The following ZNG1A variants were observed in gnomAD, a reference collection of about 807,000 sequenced individuals.
The protein encoded by ZNG1A is zinc-regulated GTPase metalloprotein activator 1A.
At chr9:142,170 C>G in the ZNG1A span, among the ~76,000 whole-genome samples, 1 of 148,702 alleles carries the variant, frequency 6.7e-6, no homozygotes, top group African/African-American at 2.5e-5. Flanking sequence ...AGGAATTGAA[C>G]TCAGCTCTGC....
At chr9:154,823 G>C in the ZNG1A span, 1 of 1,414,864 alleles carries the variant, frequency 7.1e-7, no homozygotes, top group Non-Finnish European at 9.7e-7. Context: ...GAAATGTTAA[G>C]AAACTTTAAA....
At chr9:128,104 T>C in the ZNG1A span, among the ~76,000 whole-genome samples, 1 of 152,254 alleles carries the variant, frequency 6.6e-6, no homozygotes, top group Middle Eastern at 3.4e-3. Context: ...GCTGCTTTTG[T>C]TTCACAGCTC....
the ZNG1A span, among the ~76,000 whole-genome samples, chr9:160,614 A>G: frequency 1.3e-5 from 2 of 151,666 alleles, no homozygotes; most frequent in Non-Finnish European, 2.9e-5. Context: ...TTTGGCCTCC[A>G]TCATGCTGAT....
the ZNG1A span, chr9:173,376 T>G: frequency 6.2e-7 from 1 of 1,605,638 alleles, no homozygotes; most frequent in Non-Finnish European, 8.5e-7. Context: ...CCTAGAATAA[T>G]TAACAAACAG....
the ZNG1A span, chr9:122,376 C>T: frequency 8.4e-7 from 1 of 1,195,262 alleles, no homozygotes; most frequent in Non-Finnish European, 1.1e-6. Context: ...TGTTATTTAT[C>T]ACAACCAAAA....
At chr9:162,641 C>A in the ZNG1A span, among the ~76,000 whole-genome samples, 1 of 149,622 alleles carries the variant, frequency 6.7e-6, no homozygotes, top group Non-Finnish European at 1.5e-5. Flanking sequence ...AATTAAATTC[C>A]AGTAATAAGT....
chr9:141,931 A>T, the ZNG1A span, among the ~76,000 whole-genome samples: 9 of 151,466 alleles, frequency 5.9e-5, no homozygotes, highest in Non-Finnish European at 1.3e-4. Flanking sequence ...AACAAAGATC[A>T]AAAGAGACAA....
chr9:172,866 TC>T, the ZNG1A span: 5 of 272,836 alleles, frequency 1.8e-5, no homozygotes, highest in African/African-American at 1.2e-4. Flanking sequence ...GTGAACACTG[TC>T]CTTGAAAACT....
chr9:168,599 A>C, the ZNG1A span, among the ~76,000 whole-genome samples: 2 of 149,706 alleles, frequency 1.3e-5, no homozygotes, highest in Admixed American at 6.6e-5. Flanking sequence ...TTGGAAGAAG[A>C]TGCCATTTAG....
chr9:163,646 G>A, the ZNG1A span, among the ~76,000 whole-genome samples: 96 of 152,120 alleles, frequency 6.3e-4, 1 homozygote, highest in African/African-American at 2.3e-3. Context: ...GCAGGGTGTG[G>A]TGGCTCACGC....
chr9:171,947 T>A, the ZNG1A span: 1 of 1,384,672 alleles, frequency 7.2e-7, no homozygotes, highest in South Asian at 1.2e-5. Flanking sequence ...GTACTTTTCC[T>A]CTTTTAAACC....
At chr9:175,853 A>C in the ZNG1A span, 1 of 1,050,950 alleles carries the variant, frequency 9.5e-7, no homozygotes, top group African/African-American at 1.7e-5. Flanking sequence ...ACATATAAAG[A>C]ATCCTAACGT....
the ZNG1A span, chr9:166,453 T>C: frequency 6.6e-6 from 1 of 152,180 alleles, no homozygotes; most frequent in African/African-American, 2.4e-5. Flanking sequence ...GCATATGTAT[T>C]ACAGCCTGAC....
At chr9:170,638 A>C in the ZNG1A span, among the ~76,000 whole-genome samples, 1 of 146,964 alleles carries the variant, frequency 6.8e-6, no homozygotes, top group Admixed American at 6.8e-5. Flanking sequence ...CACCTGCCTC[A>C]GCCTCCCAAA....
the ZNG1A span, among the ~76,000 whole-genome samples, chr9:178,348 C>T: frequency 2.0e-5 from 3 of 152,002 alleles, no homozygotes; most frequent in African/African-American, 7.2e-5. Context: ...GGCTGGAGGA[C>T]TCTGGCTCGT....
chr9:126,975 A>G, the ZNG1A span, among the ~76,000 whole-genome samples: 1 of 152,084 alleles, frequency 6.6e-6, no homozygotes, highest in African/African-American at 2.4e-5. Flanking sequence ...TATTCCATGT[A>G]TCGGCATGGT....
the ZNG1A span, chr9:161,457 G>A: frequency 5.5e-6 from 3 of 549,324 alleles, no homozygotes; most frequent in South Asian, 3.9e-5. Flanking sequence ...AACAGAGTGA[G>A]ACTCTGTCTC....
At chr9:166,370 G>A in the ZNG1A span, 3 of 149,688 alleles carry the variant, frequency 2.0e-5, no homozygotes, top group East Asian at 5.8e-4. Context: ...CTTGGGTAAG[G>A]AGAGTGGAGT....
the ZNG1A span, among the ~76,000 whole-genome samples, chr9:135,282 C>T: frequency 6.0e-5 from 9 of 148,922 alleles, no homozygotes; most frequent in African/African-American, 2.3e-4. Context: ...AAAAACTAGT[C>T]TTTTAGCAAC....
Sources: allele counts gnomAD v4.1 joint callset (sites outside exome capture counted in the v4.1 genomes callset), GRCh38; gene constraint gnomAD v4.1.1; transcripts MANE v1.5; gene names NCBI Gene and HGNC (gene_info 2026-07-23, HGNC 2026-07-21).